The following CHAMP1 variants were observed in gnomAD, a reference collection of about 807,000 sequenced individuals.
CHAMP1 encodes chromosome alignment maintaining phosphoprotein 1.
A neutral mutation model predicts 54.5 loss-of-function variants in CHAMP1; 4 were observed. That is an observed-to-expected ratio of 0.07 (90% CI 0.04 to 0.17). The LOEUF (loss-of-function observed/expected upper bound fraction) is 0.17, where lower values mean the gene tolerates loss of function less well. CHAMP1 is among the 10% of genes least tolerant of loss of function. The pLI, the probability that CHAMP1 is intolerant of heterozygous loss-of-function variation, is 1.00. For missense variants in CHAMP1, 994 were observed against 968.6 expected (o/e 1.03, Z -0.35); for synonymous variants, 368 against 342.2 (o/e 1.08, Z -0.83).
intron 1 of CHAMP1, among the ~76,000 whole-genome samples, chr13:114,316,658 C>T (rs1464691782): frequency 6.6e-6 from 1 of 151,942 alleles, no homozygotes; most frequent in African/African-American, 2.4e-5. Flanking sequence ...TCAGTATTAG[C>T]TTATCATTGT....
chr13:114,324,976 C>G lies in CHAMP1; in HGVS notation c.1134C>G (p.Ser378Arg). The G allele has an allele frequency of 1.2e-6, 2 of 1,614,072 alleles. No individual in the cohort carries two copies. Among genetic ancestry groups the G allele is most frequent in the Non-Finnish European group, 1.7e-6 (2 of 1,180,000 alleles). The change falls in exon 3 of 3, where the codon AGC becomes AGG. Residue 378 changes from serine (S) to arginine (R), a missense_variant. Ser to Arg is a moderately radical substitution (Grantham distance 110). Transcript: ENST00000361283. The stretch of plus-strand genomic sequence containing the variant: ...GGAAATCTTCATCAGTCTCACCCAG[C>G]TCCTGGAAGTCTCCCCCTGCATCTC... ...ASWKSSSVSP[S>R]SWKSPPASPE... is the part of the protein sequence containing the mutation.
chr13:114,321,621 T>A (rs112097885), intron 2 of CHAMP1, among the ~76,000 whole-genome samples: 39,841 of 152,122 alleles, frequency 0.26, 5,743 homozygotes, highest in African/African-American at 0.36. Flanking sequence ...TGTTCATTAT[T>A]GCCTCATGGG....
intron 1 of CHAMP1, among the ~76,000 whole-genome samples, chr13:114,316,752 ATT>A (rs201616810): frequency 2.6e-4 from 36 of 136,812 alleles, no homozygotes; most frequent in Non-Finnish European, 3.3e-4. Context: ...AGTGCTTTGG[ATT>A]TTTTTTTTTT....
At chr13:114,315,873 G>A (rs377657746) in intron 1 of CHAMP1, among the ~76,000 whole-genome samples, 5 of 142,396 alleles carry the variant, frequency 3.5e-5, no homozygotes, top group Non-Finnish European at 7.5e-5. Context: ...TTTCGCTCTC[G>A]TTGCCCAGGC....
intron 2 of CHAMP1, chr13:114,322,176 A>G (rs1163441473): frequency 2.6e-5 from 4 of 151,326 alleles, no homozygotes; most frequent in Non-Finnish European, 5.9e-5. Flanking sequence ...AGTAGCTGGG[A>G]CTACAGGCAC....
At chr13:114,315,968 C>G (rs886937360) in intron 1 of CHAMP1, among the ~76,000 whole-genome samples, 3 of 151,584 alleles carry the variant, frequency 2.0e-5, no homozygotes, top group African/African-American at 7.3e-5. Context: ...TCCCAAGTAG[C>G]TGGCATTACA....
chr13:114,325,643 C>G lies in CHAMP1; in HGVS notation c.1801C>G (p.Leu601Val). Residue 601 changes from leucine (L) to valine (V), a missense_variant, in exon 3 of 3, where the codon CTA (leucine) becomes GTA (valine). This residue lies in a region of CHAMP1 where 851 missense variants were observed against 701.3 expected (regional missense o/e 1.21). Coordinates refer to ENST00000361283, the MANE Select transcript of CHAMP1 (RefSeq NM_032436.4). The part of the protein sequence containing the change: ...KCDILVQEEL[L>V]ASPKKLLEDT... ...TGATATTTTGGTTCAGGAAGAACTT[C>G]TAGCTTCACCTAAGAAACTCTTAGA... 6.2e-7 allele frequency: 1 copy of G among 1,614,146 alleles called. No individual in the cohort carries two copies. Among genetic ancestry groups the G allele is most frequent in the Non-Finnish European group, 8.5e-7 (1 of 1,180,024 alleles).
intron 2 of CHAMP1, 71 bp from the exon 3 acceptor site, chr13:114,323,717 A>G (rs2087201005): frequency 2.4e-6 from 3 of 1,237,034 alleles, no homozygotes; most frequent in Non-Finnish European, 2.2e-6. Flanking sequence ...TTATGCAGTT[A>G]TAGAATGGAC....
At chr13:114,320,685 G>A (rs573142588) in intron 1 of CHAMP1, among the ~76,000 whole-genome samples, 9 of 152,038 alleles carry the variant, frequency 5.9e-5, no homozygotes, top group Middle Eastern at 3.4e-3. Context: ...GGCTGGGCGC[G>A]GTGGCTCACA....
In CHAMP1 at chr13:114,325,590, A is replaced by C; in HGVS notation, c.1748A>C (p.Gln583Pro). The change falls in exon 3 of 3, where the codon CAA (glutamine) becomes CCA (proline). Residue 583 changes from glutamine to proline, a missense_variant. Transcript: ENST00000361283. ...GCTGTTGAGCTTGGTGATGAACTAC[A>C]AATAGATGCCATAGATGATCAAAAA... ...QKAVELGDEL[Q>P]IDAIDDQKCD... 1 of 1,614,214 alleles carries C rather than the reference A, an allele frequency of 6.2e-7. No homozygotes were observed. Among genetic ancestry groups the C allele is most frequent in the Non-Finnish European group, 8.5e-7 (1 of 1,180,036 alleles).
At chr13:114,316,317 C>A (rs1056168831) in intron 1 of CHAMP1, among the ~76,000 whole-genome samples, 2 of 151,684 alleles carry the variant, frequency 1.3e-5, no homozygotes, top group African/African-American at 4.8e-5. Context: ...GCGCCTGCCA[C>A]CACACCCGGC....
chr13:114,320,320 T>G lies in CHAMP1; in HGVS notation c.-178-790T>G, dbSNP rs116609113. Among the ~76,000 whole-genome samples, 1,298 of 152,314 alleles carry G rather than the reference T, an allele frequency of 8.5e-3. 18 individuals are homozygous for G. Among genetic ancestry groups the G allele is most frequent in the African/African-American group, 0.03 (1,238 of 41,552 alleles). On this transcript the variant is annotated intron_variant, in intron 1 of 2. Coordinates refer to ENST00000361283, the MANE Select transcript of CHAMP1 (RefSeq NM_032436.4). ...GAGCAATCACTGAAGCAGGTCCATG[T>G]GTTCTTCCTTGGGGTCAGGACACTG...
chr13:114,324,302 C>A lies in CHAMP1; in HGVS notation c.460C>A (p.Leu154Met). The change falls in exon 3 of 3, where the codon CTG becomes ATG. Residue 154 changes from leucine to methionine, a missense_variant. Physicochemically the swap from Leu to Met is conservative, Grantham distance 15 (BLOSUM62 2). This residue lies in a region of CHAMP1 where 851 missense variants were observed against 701.3 expected (regional missense o/e 1.21). Transcript: ENST00000361283. The stretch of plus-strand genomic sequence containing the variant: ...GCCAAAACCTACTCCTCTTACTCCC[C>A]TGGAGCCTCAGAAACCTGGCTCTGT... ...ESPKPTPLTP[L>M]EPQKPGSVVS... The A allele has an allele frequency of 1.2e-6, 2 of 1,614,150 alleles. No homozygotes were observed. The highest frequency in any genetic ancestry group is 1.7e-6 in the Non-Finnish European group (2 of 1,180,036).
rs2087231751 is a variant in CHAMP1, at chr13:114,325,272, C to T, written c.1430C>T (p.Pro477Leu). 1 of 1,614,062 alleles carries T rather than the reference C, an allele frequency of 6.2e-7. No homozygotes were observed. Among genetic ancestry groups the T allele is most frequent in the Non-Finnish European group, 8.5e-7 (1 of 1,180,056 alleles). The part of the protein sequence containing the change: ...ESQKSSRGGS[P>L]DLWKSSFFIE... Reference sequence around the variant, plus strand: ...CAGAAAAGTTCCCGTGGTGGTTCTCCTGATCTCTGGAAGTCTTCCTTTTTT... The same window carrying T: ...CAGAAAAGTTCCCGTGGTGGTTCTCTTGATCTCTGGAAGTCTTCCTTTTTT... The change falls in exon 3 of 3, where the codon CCT becomes CTT. Residue 477 changes from proline (P) to leucine (L), a missense_variant. Transcript: ENST00000361283.
At position 114,314,802 on chromosome 13, in the gene CHAMP1, C is replaced by T. The variant is rs547808457; in HGVS notation, c.-179+159C>T. ...TTCCCACACGGCCCGAGGGAAGGGC[C>T]CGCCCCCACAGGCCGGGGCGGGAGT... On this transcript the variant is annotated intron_variant, in intron 1 of 2. Coordinates refer to ENST00000361283, the MANE Select transcript of CHAMP1 (RefSeq NM_032436.4). Among the ~76,000 whole-genome samples the T allele has an allele frequency of 7.1e-4, 108 of 152,100 alleles. No individual in the cohort carries two copies. The South Asian group carries it at 7.9e-3, about 11-fold the overall frequency.
At chr13:114,314,800 G>A (rs2087074950) in intron 1 of CHAMP1, among the ~76,000 whole-genome samples, 157 bp downstream of exon 1, 1 of 152,106 alleles carries the variant, frequency 6.6e-6, no homozygotes, top group South Asian at 2.1e-4. Flanking sequence ...CGAGGGAAGG[G>A]CCCGCCCCCA....
At position 114,326,395 on chromosome 13, in the gene CHAMP1, T is replaced by C. The variant is rs1313496598; in HGVS notation, c.*114T>C. 2 of 1,207,530 alleles carry C rather than the reference T, an allele frequency of 1.7e-6. No homozygotes were observed. The highest frequency in any genetic ancestry group is 3.1e-5 in the African/African-American group (2 of 64,500). The allele number at this position is 1,207,530 out of a possible 1,614,324, so 74.8% of individuals were successfully genotyped here. A position where few individuals can be genotyped will look rare whatever the true frequency, so the allele number is the denominator to read the frequency against. On this transcript the variant is annotated 3_prime_UTR_variant, in exon 3 of 3. Transcript: ENST00000361283. ...TAGATGACATGTATGGTGTACCGTG[T>C]TTCACTGTCTCAGTTGTGTTACTAA...
At chr13:114,315,180 A>C (rs888966716) in intron 1 of CHAMP1, among the ~76,000 whole-genome samples, 9 of 152,218 alleles carry the variant, frequency 5.9e-5, no homozygotes, top group African/African-American at 2.2e-4. Context: ...AGTGATGCTC[A>C]ACATCACTAA....
At chr13:114,316,470 G>C (rs556257505) in intron 1 of CHAMP1, among the ~76,000 whole-genome samples, 2 of 151,512 alleles carry the variant, frequency 1.3e-5, no homozygotes, top group African/African-American at 2.4e-5. Context: ...CGCGCCTGTA[G>C]TCCCAGCTAC....
Sources: allele counts gnomAD v4.1 joint callset (sites outside exome capture counted in the v4.1 genomes callset), GRCh38; gene constraint gnomAD v4.1.1; regional missense constraint gnomAD v4.1.1; transcripts MANE v1.5; gene names NCBI Gene and HGNC (gene_info 2026-07-23, HGNC 2026-07-21).